Variants in LRRCC1 observed in about 807,000 individuals in gnomAD.
The protein encoded by LRRCC1 is leucine-rich repeat and coiled-coil domain-containing protein 1.
In LRRCC1, 115 loss-of-function variants were observed where a neutral mutation model predicts 126.0. That is an observed-to-expected ratio of 0.91 (90% confidence interval 0.78 to 1.07). LRRCC1 has a LOEUF of 1.07. Among genes scored for constraint, LRRCC1 ranks in the 50% least tolerant of loss-of-function variants. The pLI is 0.00. For synonymous variants in LRRCC1, 400 were observed against 393.4 expected, an observed-to-expected ratio of 1.02 and a Z score of -0.20; for missense variants, 1,172 against 1,175.7, an observed-to-expected ratio of 1.00 and a Z score of 0.05.
At chr8:85,107,563 C>G in intron 1 of LRRCC1, 164 bp downstream of exon 1, 1 of 564,962 alleles carries the variant, frequency 1.8e-6, no homozygotes, top group Non-Finnish European at 3.0e-6. Flanking sequence ...ACTTACCTGC[C>G]GAAGTGCCAG....
At chr8:85,107,541 C>A (rs538096212) in intron 1 of LRRCC1, 142 bp downstream of exon 1, 3 of 676,288 alleles carry the variant, frequency 4.4e-6, no homozygotes, top group South Asian at 2.5e-5. Context: ...TCGGCCTCCC[C>A]GCTCCTCCAA....
chr8:85,126,637 G>T, intron 8 of LRRCC1, 52 bp from the exon 9 acceptor site: 2 of 1,511,996 alleles, frequency 1.3e-6, no homozygotes, highest in Non-Finnish European at 9.0e-7. Flanking sequence ...TTGAGGCTGT[G>T]AGAAGTTAGG....
chr8:85,134,929 A>C lies in LRRCC1; in HGVS notation c.2051A>C (p.Glu684Ala). Residue 684 changes from glutamate (E) to alanine (A), a missense_variant, in exon 13 of 19, where the codon GAG becomes GCG. Coordinates refer to ENST00000360375, the MANE Select transcript of LRRCC1 (RefSeq NM_033402.5). ...ATTTGGGCTCAACGAAAAGAAAATG[A>C]GTCTTCCTCTTTAATTAAAGATCTG... The part of the protein sequence containing the change: ...ALIWAQRKEN[E>A]SSSLIKDLTC... 6.3e-7 allele frequency: 1 copy of C among 1,596,740 alleles called. No individual in the cohort carries two copies. Among genetic ancestry groups the C allele is most frequent in the Non-Finnish European group, 8.5e-7 (1 of 1,176,438 alleles).
intron 6 of LRRCC1, 45 bp from the exon 7 acceptor site, chr8:85,123,368 T>C (rs1402049882): frequency 1.6e-6 from 2 of 1,276,488 alleles, no homozygotes; most frequent in South Asian, 1.3e-5. Flanking sequence ...TCAATCTTTT[T>C]TATACTGAAC....
In LRRCC1 at chr8:85,110,182, TA is replaced by T; in HGVS notation, c.376+4del. On this transcript the variant is annotated splice_donor_region_variant and intron_variant, in intron 3 of 18. Coordinates refer to ENST00000360375, the MANE Select transcript of LRRCC1 (RefSeq NM_033402.5). ...ATAACCACATAGATGATCTTAGTGG[TA>T]AGTAGAAATGCTTATGTTTTCTGTA... is the stretch of plus-strand genomic sequence containing the variant. 2 of 1,257,776 alleles carry T rather than the reference TA, an allele frequency of 1.6e-6. No individual in the cohort carries two copies. The highest frequency in any genetic ancestry group is 1.5e-5 in the African/African-American group (1 of 65,470). 77.9% of individuals were successfully genotyped at this position (1,257,776 alleles called of 1,614,324 possible).
rs759716803 is a variant in LRRCC1, at chr8:85,115,631, CAT to C, written c.930+49_930+50del. On this transcript the variant is annotated intron_variant, in intron 6 of 18. Coordinates refer to ENST00000360375, the MANE Select transcript of LRRCC1 (RefSeq NM_033402.5). ...CTATAGACATGTTTATTGAAGAAAA[CAT>C]AGTTAAGAAAATGTAAAATAAAAAT... 2.2e-5 allele frequency: 28 copies of C among 1,299,000 alleles called. No homozygotes were observed. The Admixed American group carries it at 5.9e-4, about 27-fold the overall frequency. The allele number at this position is 1,299,000 out of a possible 1,614,324, so 80.5% of individuals were successfully genotyped here.
rs763700736 is a variant in LRRCC1 at position 85,110,182 on chromosome 8, T to G, written c.376+2T>G. ...ATAACCACATAGATGATCTTAGTGG[T>G]AAGTAGAAATGCTTATGTTTTCTGT... On this transcript the variant is annotated splice_donor_variant, in intron 3 of 18. Coordinates refer to ENST00000360375, the MANE Select transcript of LRRCC1 (RefSeq NM_033402.5). LOFTEE classifies it high-confidence loss of function. 5 of 1,257,660 alleles carry G rather than the reference T, an allele frequency of 4.0e-6. No individual in the cohort carries two copies. The highest frequency in any genetic ancestry group is 5.5e-6 in the Non-Finnish European group (5 of 909,502). The allele number at this position is 1,257,660 out of a possible 1,614,324, so 77.9% of individuals were successfully genotyped here. A position where few individuals can be genotyped will look rare whatever the true frequency, so the allele number is the denominator to read the frequency against.
In LRRCC1 at chr8:85,113,057, T is replaced by C. The variant is rs1808848148; in HGVS notation, c.502T>C (p.Leu168=). The change falls in exon 4 of 19, where the codon TTG becomes CTG. Residue 168 remains leucine (L), a synonymous_variant. Coordinates refer to ENST00000360375, the MANE Select transcript of LRRCC1 (RefSeq NM_033402.5). Reference sequence around the variant, plus strand: ...ATTGCACTTCCTGACCAATCTTATTTTGGAGAAAGATGGAGACGATAATCC... The same window carrying C: ...ATTGCACTTCCTGACCAATCTTATTCTGGAGAAAGATGGAGACGATAATCC... ...VGLHFLTNLI[L]EKDGDDNPVC... 1.2e-6 allele frequency: 2 copies of C among 1,612,728 alleles called. No individual in the cohort carries two copies. Among genetic ancestry groups the C allele is most frequent in the South Asian group, 2.2e-5 (2 of 90,716 alleles).
rs777322936 is a variant in LRRCC1, at chr8:85,111,872, GT to G, written c.377-1045del. On this transcript the variant is annotated intron_variant, in intron 3 of 18. Transcript: ENST00000360375. ...TACAACCACTTTGGGAAGGAGTTTT[GT>G]TTTTTTTTTTTTTTAATTTGAGGTA... 6.8e-3 allele frequency among the ~76,000 whole-genome samples: 951 copies of G among 139,554 alleles called. 6 individuals carry two copies. The highest frequency in any genetic ancestry group is 0.013 in the African/African-American group (498 of 38,154). The allele number at this position is 139,554 out of a possible 152,430, so 91.6% of individuals were successfully genotyped here. A position where few individuals can be genotyped will look rare whatever the true frequency, so the allele number is the denominator to read the frequency against.
At chr8:85,124,413 C>T (rs1457307969) in intron 7 of LRRCC1, among the ~76,000 whole-genome samples, 2 of 152,118 alleles carry the variant, frequency 1.3e-5, no homozygotes, top group Non-Finnish European at 2.9e-5. Context: ...AATCTATTAA[C>T]TTTGATCCAT....
chr8:85,135,094 T>G, intron 13 of LRRCC1, 62 bp downstream of exon 13: 3 of 1,268,094 alleles, frequency 2.4e-6, no homozygotes, highest in Non-Finnish European at 2.1e-6. Flanking sequence ...AAGTGGGTTG[T>G]GATAAATTTA....
intron 17 of LRRCC1, 84 bp downstream of exon 17, chr8:85,138,559 G>C: frequency 9.8e-6 from 13 of 1,328,008 alleles, no homozygotes; most frequent in Non-Finnish European, 1.2e-5. Flanking sequence ...AGAGAGGAGG[G>C]CTAAAAATCA....
Position 85,115,467 on chromosome 8 carries a change from G to T in LRRCC1, c.813G>T (p.Thr271=). The change falls in exon 6 of 19, where the codon ACG becomes ACT. Residue 271 remains threonine, a synonymous_variant. Transcript: ENST00000360375. ...GTACACCAAGTGATGCTGTGTTGAC[G>T]TCTTTTATGTCTGTGTGTCAATCTT... ...FASTPSDAVL[T]SFMSVCQSSE... 1 of 1,613,204 alleles carries T rather than the reference G, an allele frequency of 6.2e-7. No individual in the cohort carries two copies.
Position 85,135,972 on chromosome 8 carries a change from C to A in LRRCC1, c.2329+9C>A, listed in dbSNP as rs753302833. On this transcript the variant is annotated intron_variant, in intron 14 of 18. Transcript: ENST00000360375. ...TGAGCTGGCACAACAAGGTAAAATT[C>A]TCAGATTTTCAAAGGGAAAATAGCT... 4 of 1,545,610 alleles carry A rather than the reference C, an allele frequency of 2.6e-6. No homozygotes were observed. The East Asian group carries it at 9.5e-5, about 37-fold the overall frequency.
At chr8:85,112,054 G>A (rs1382563836) in intron 3 of LRRCC1, among the ~76,000 whole-genome samples, 1 of 151,974 alleles carries the variant, frequency 6.6e-6, no homozygotes, top group Non-Finnish European at 1.5e-5. Flanking sequence ...TAGAGACGGG[G>A]TTTTGCCATG....
chr8:85,131,706 T>A, intron 11 of LRRCC1, 54 bp from the exon 12 acceptor site: 1 of 1,360,200 alleles, frequency 7.4e-7, no homozygotes, highest in Non-Finnish European at 1.0e-6. Context: ...ACCTTTAAAA[T>A]GTTTCTTTTC....
At chr8:85,114,083 G>A (rs1049696635) in intron 4 of LRRCC1, among the ~76,000 whole-genome samples, 25 of 151,972 alleles carry the variant, frequency 1.6e-4, no homozygotes, top group Non-Finnish European at 3.2e-4. Flanking sequence ...GTTTTCCTGA[G>A]GTGGAAAATA....
At chr8:85,126,923 T>G in intron 9 of LRRCC1, 86 bp downstream of exon 9, 1 of 1,158,042 alleles carries the variant, frequency 8.6e-7, no homozygotes, top group Non-Finnish European at 1.2e-6. Context: ...TTCAGTGTGG[T>G]TCAATCAACA....
intron 18 of LRRCC1, 120 bp from the exon 19 acceptor site, chr8:85,145,269 T>A: frequency 1.4e-6 from 1 of 730,774 alleles, no homozygotes; most frequent in Non-Finnish European, 2.1e-6. Flanking sequence ...GACATTTCTT[T>A]AAATACATCA....
Sources: gnomAD v4.1 joint callset for allele counts (sites outside exome capture counted in the v4.1 genomes callset) on GRCh38, gnomAD v4.1.1 for gene constraint, MANE v1.5 for transcripts, NCBI Gene and HGNC (gene_info 2026-07-23, HGNC 2026-07-21) for gene names.